Variants in MTRF1L observed in about 807,000 individuals in gnomAD.
MTRF1L encodes the protein peptide chain release factor 1-like, mitochondrial.
Under a neutral mutation model 40.0 loss-of-function variants are expected in MTRF1L, and 29 were observed. The observed-to-expected ratio is 0.73, with a 90% CI of 0.54 to 0.99. The LOEUF (loss-of-function observed/expected upper bound fraction) is 0.99. Among genes scored for constraint, MTRF1L ranks in the 50% least tolerant of loss-of-function variants. MTRF1L has a pLI of 0.00. For missense variants in MTRF1L, 412 were observed against 464.5 expected (o/e 0.89, Z 1.04); for synonymous variants, 150 against 175.8 (o/e 0.85, Z 1.16).
At chr6:152,998,465 C>T (rs1778794505) in intron 2 of MTRF1L, 85 bp downstream of exon 2, 1 of 968,232 alleles carries the variant, frequency 1.0e-6, no homozygotes, top group East Asian at 2.8e-5. Flanking sequence ...CAGTAACAAG[C>T]TAGTCACTTG....
In MTRF1L at chr6:152,990,413, T is replaced by C. The variant is rs377437369; in HGVS notation, c.943-318A>G. 196 of 255,832 alleles carry C rather than the reference T, an allele frequency of 7.7e-4. 2 individuals carry two copies. The highest frequency in any genetic ancestry group is 4.2e-3 in the African/African-American group (189 of 44,602). The allele number at this position is 255,832 out of a possible 1,614,324, so 15.8% of individuals were successfully genotyped here. On this transcript the variant is annotated intron_variant, in intron 6 of 6. Coordinates refer to ENST00000367233, the MANE Select transcript of MTRF1L (RefSeq NM_019041.7). ...ACAATAGAGCCTGGCACATAGATGCTATTCCTATAGTCGCTGAATACATAT... is the reference window on the plus strand; with the variant it reads ...ACAATAGAGCCTGGCACATAGATGCCATTCCTATAGTCGCTGAATACATAT...
rs372814483 is a variant in MTRF1L at position 152,994,004 on chromosome 6, C to T, written c.687+509G>A. On this transcript the variant is annotated intron_variant, in intron 4 of 6. Transcript: ENST00000367233. ...ACTTTTCAGTAGAAGGGAAATGAGG[C>T]AAAACAGAACTCCTACACTAAGTTA... is the stretch of plus-strand genomic sequence containing the variant. 1.2e-3 allele frequency among the ~76,000 whole-genome samples: 180 copies of T among 152,218 alleles called. 2 individuals carry two copies. Among genetic ancestry groups the T allele is most frequent in the African/African-American group, 4.2e-3 (176 of 41,540 alleles).
rs1487482908 is a variant in MTRF1L at position 152,994,614 on chromosome 6, C to G, written c.586G>C (p.Glu196Gln). ...GSEAYRHMKF[E>Q]GGVHRVQRVP... ...CTTTGTACTCTGTGAACACCTCCTT[C>G]AAATTTCATGTGCCTATAGGCTTCT... Residue 196 changes from glutamate to glutamine, a missense_variant, in exon 4 of 7, where the codon GAA becomes CAA. Glu to Gln is a conservative substitution (Grantham distance 29). Coordinates refer to ENST00000367233, the MANE Select transcript of MTRF1L (RefSeq NM_019041.7). The G allele has an allele frequency of 2.5e-6, 4 of 1,613,960 alleles. No homozygotes were observed. The highest frequency in any genetic ancestry group is 1.3e-5 in the African/African-American group (1 of 74,908).
intron 1 of MTRF1L, among the ~76,000 whole-genome samples, chr6:152,999,664 C>G (rs1400727861): frequency 6.6e-6 from 1 of 152,162 alleles, no homozygotes; most frequent in Non-Finnish European, 1.5e-5. Context: ...ATAAGTCTTA[C>G]AAGATCTGAT....
At chr6:152,992,729 A>G in intron 5 of MTRF1L, 128 bp downstream of exon 5, 2 of 694,468 alleles carry the variant, frequency 2.9e-6, no homozygotes, top group Admixed American at 2.4e-5. Flanking sequence ...AGTAAATCAA[A>G]TATTTAATAA....
intron 6 of MTRF1L, among the ~76,000 whole-genome samples, chr6:152,990,813 G>A (rs6917114): frequency 0.76 from 115,412 of 152,060 alleles, 44,673 homozygotes; most frequent in African/African-American, 0.93. Context: ...GACAAGAGCG[G>A]AACTCCATGT....
intron 2 of MTRF1L, among the ~76,000 whole-genome samples, chr6:152,997,216 T>G (rs916977242): frequency 6.6e-6 from 1 of 152,192 alleles, no homozygotes; most frequent in African/African-American, 2.4e-5. Context: ...ACCATCTGCA[T>G]CAATTTGTGA....
At chr6:152,992,685 C>G (rs1324912074) in intron 5 of MTRF1L, among the ~76,000 whole-genome samples, 172 bp downstream of exon 5, 1 of 152,174 alleles carries the variant, frequency 6.6e-6, no homozygotes, top group Non-Finnish European at 1.5e-5. Flanking sequence ...CCTCGCCTTG[C>G]AGTTATCCCA....
At chr6:152,993,222 G>C (rs956018840) in intron 4 of MTRF1L, among the ~76,000 whole-genome samples, 28 of 152,074 alleles carry the variant, frequency 1.8e-4, no homozygotes, top group Admixed American at 5.9e-4. Flanking sequence ...TCAAAAACCT[G>C]GCTTCCCTTT....
intron 1 of MTRF1L, among the ~76,000 whole-genome samples, chr6:152,999,565 C>T (rs954693235): frequency 5.9e-5 from 9 of 152,170 alleles, no homozygotes; most frequent in Non-Finnish European, 7.3e-5. Context: ...TTGTAGCTCC[C>T]ACAATTCCCA....
intron 1 of MTRF1L, among the ~76,000 whole-genome samples, chr6:153,000,865 GGA>G (rs1350980584): frequency 1.5e-5 from 2 of 134,382 alleles, no homozygotes; most frequent in African/African-American, 5.7e-5. Flanking sequence ...CAGGTACTAC[GGA>G]TTTTTTTTTT....
chr6:152,996,455 C>A (rs544144869), intron 2 of MTRF1L, among the ~76,000 whole-genome samples: 2 of 152,126 alleles, frequency 1.3e-5, no homozygotes, highest in Non-Finnish European at 2.9e-5. Context: ...GGGTAAAATG[C>A]GAGCTATACT....
At chr6:152,993,594 C>T (rs539073310) in intron 4 of MTRF1L, among the ~76,000 whole-genome samples, 1 of 152,284 alleles carries the variant, frequency 6.6e-6, no homozygotes, top group Admixed American at 6.5e-5. Flanking sequence ...AGAATCCTAC[C>T]ATTCTCTGGG....
chr6:152,993,171 A>G (rs1286823525), intron 4 of MTRF1L, among the ~76,000 whole-genome samples, 197 bp from the exon 5 acceptor site: 1 of 152,198 alleles, frequency 6.6e-6, no homozygotes, highest in Non-Finnish European at 1.5e-5. Flanking sequence ...TCGAAATAGT[A>G]CAGGACTGTA....
chr6:152,991,917 T>C (rs144774962), intron 5 of MTRF1L, among the ~76,000 whole-genome samples: 1 of 152,306 alleles, frequency 6.6e-6, no homozygotes, highest in East Asian at 1.9e-4. Flanking sequence ...TAATACAGAT[T>C]GTTTCCCCTC....
In MTRF1L at chr6:152,992,805, T is replaced by A. The variant is rs1273996126; in HGVS notation, c.805+52A>T. 5 of 1,364,956 alleles carry A rather than the reference T, an allele frequency of 3.7e-6. No homozygotes were observed. The African/African-American group carries it at 4.3e-5, about 12-fold the overall frequency. The allele number at this position is 1,364,956 out of a possible 1,614,324, so 84.6% of individuals were successfully genotyped here. A position where few individuals can be genotyped will look rare whatever the true frequency, so the allele number is the denominator to read the frequency against. ...TATTTCAGTGGAAAATTAGTCATATTATTCCAAAATTGATTTCTTTGGTGT... is the reference window on the plus strand; with the variant it reads ...TATTTCAGTGGAAAATTAGTCATATAATTCCAAAATTGATTTCTTTGGTGT... On this transcript the variant is annotated intron_variant, in intron 5 of 6. Coordinates refer to ENST00000367233, the MANE Select transcript of MTRF1L (RefSeq NM_019041.7).
At chr6:152,998,446 T>TA (rs1165660021) in intron 2 of MTRF1L, 104 bp downstream of exon 2, 2 of 802,326 alleles carry the variant, frequency 2.5e-6, no homozygotes, top group Non-Finnish European at 3.6e-6. Context: ...AAACCCAGTT[T>TA]ATTCTAAACA....
At chr6:152,993,451 T>G (rs929625563) in intron 4 of MTRF1L, among the ~76,000 whole-genome samples, 2 of 152,126 alleles carry the variant, frequency 1.3e-5, no homozygotes, top group African/African-American at 4.8e-5. Flanking sequence ...GGCCAAGAAG[T>G]CATGAGTCTC....
At chr6:153,002,342 A>G in intron 1 of MTRF1L, 85 bp downstream of exon 1, 1 of 1,602,198 alleles carries the variant, frequency 6.2e-7, no homozygotes, top group South Asian at 1.1e-5. Context: ...AAAGAGTTTC[A>G]AACTCGGGTA....
Sources: gnomAD v4.1 joint callset for allele counts (sites outside exome capture counted in the v4.1 genomes callset) on GRCh38, gnomAD v4.1.1 for gene constraint, MANE v1.5 for transcripts, NCBI Gene and HGNC (gene_info 2026-07-23, HGNC 2026-07-21) for gene names.